ZC3H14: variants seen among roughly 807,000 people sequenced by gnomAD.
The protein encoded by ZC3H14 is zinc finger CCCH domain-containing protein 14.
In ZC3H14, 31 loss-of-function variants were observed where a neutral mutation model predicts 92.4. The observed-to-expected ratio is 0.34, with a 90% CI of 0.25 to 0.45. The LOEUF (loss-of-function observed/expected upper bound fraction) is 0.45, where lower values mean the gene tolerates loss of function less well. Ranked by LOEUF, ZC3H14 falls within the 20% of genes least tolerant of loss-of-function variation. The pLI, the probability that ZC3H14 is intolerant of heterozygous loss-of-function variation, is 1.00. For synonymous variants in ZC3H14, 321 were observed against 300.9 expected, an observed-to-expected ratio of 1.07 and a Z score of -0.69; for missense variants, 781 against 897.3, an observed-to-expected ratio of 0.87 and a Z score of 1.66.
chr14:88,566,526 A>G (rs565845733), intron 2 of ZC3H14, among the ~76,000 whole-genome samples: 9 of 152,338 alleles, frequency 5.9e-5, no homozygotes, highest in South Asian at 4.1e-4. Flanking sequence ...TATTCTTTCA[A>G]CACTTGAACT....
At chr14:88,577,634 A>G (rs2081340766) in intron 8 of ZC3H14, among the ~76,000 whole-genome samples, 1 of 151,962 alleles carries the variant, frequency 6.6e-6, no homozygotes, top group Admixed American at 6.6e-5. Flanking sequence ...CAGTGGTGCA[A>G]TCTCGGCTCA....
intron 2 of ZC3H14, among the ~76,000 whole-genome samples, chr14:88,566,358 A>C (rs2079621091): frequency 6.6e-6 from 1 of 152,158 alleles, no homozygotes; most frequent in South Asian, 2.1e-4. Context: ...AAGGGGCCCA[A>C]GACCAAACAG....
chr14:88,573,063 C>T, intron 6 of ZC3H14, 56 bp downstream of exon 6: 5 of 1,568,378 alleles, frequency 3.2e-6, no homozygotes, highest in Non-Finnish European at 4.4e-6. Flanking sequence ...TTCTTGATAC[C>T]AAATAATATA....
At position 88,616,599 on chromosome 14, in the gene ZC3H14, AT is replaced by A. The variant is rs975471644; in HGVS notation, c.*4851del. 3 of 948,828 alleles carry A rather than the reference AT, an allele frequency of 3.2e-6. No individual in the cohort carries two copies. Among genetic ancestry groups the A allele is most frequent in the Middle Eastern group, 3.4e-4 (1 of 2,920 alleles). 58.8% of individuals were successfully genotyped at this position (948,828 alleles called of 1,614,324 possible). A position where few individuals can be genotyped will look rare whatever the true frequency, so the allele number is the denominator to read the frequency against. ...ATAGCTTTTATTTCAAAGTAAATAG[AT>A]TTAGAAAGTTTGGGGAAAAATTTAG... On this transcript the variant is annotated 3_prime_UTR_variant, in exon 17 of 17. Transcript: ENST00000251038.
rs766947783 is a variant in ZC3H14 at position 88,575,842 on chromosome 14, C to G, written c.1025C>G (p.Pro342Arg). ...AATACCTTTCTTAACTCTTTTAGAC[C>G]TTCTCTTCCACCTTCTAAACAAGCT... ...VSVPAKPERR[P>R]SLPPSKQANK... The change falls in exon 8 of 17, where the codon CCT becomes CGT. Residue 342 changes from proline to arginine, a missense_variant and splice_region_variant. Coordinates refer to ENST00000251038, the MANE Select transcript of ZC3H14 (RefSeq NM_024824.5). 2 of 1,612,428 alleles carry G rather than the reference C, an allele frequency of 1.2e-6. No individual in the cohort carries two copies. Among genetic ancestry groups the G allele is most frequent in the African/African-American group, 1.3e-5 (1 of 74,944 alleles).
chr14:88,614,928 GAATTT>G lies in ZC3H14; in HGVS notation c.*3180_*3184del, dbSNP rs1308325815. ...TTAAATTGTATAATGTTGTATATGT[GAATTT>G]AACACTTTTGTTTACATGTTAAACA... On this transcript the variant is annotated 3_prime_UTR_variant, in exon 17 of 17. Coordinates refer to ENST00000251038, the MANE Select transcript of ZC3H14 (RefSeq NM_024824.5). 2.0e-5 allele frequency: 3 copies of G among 152,120 alleles called. No individual in the cohort carries two copies. Among genetic ancestry groups the G allele is most frequent in the African/African-American group, 7.2e-5 (3 of 41,436 alleles). The allele number at this position is 152,120 out of a possible 1,614,324, so 9.4% of individuals were successfully genotyped here.
rs1236391297 is a variant in ZC3H14, at chr14:88,572,609, C to G, written c.463C>G (p.Leu155Val). 1.2e-6 allele frequency: 2 copies of G among 1,614,176 alleles called. No individual in the cohort carries two copies. The highest frequency in any genetic ancestry group is 1.7e-5 in the Admixed American group (1 of 60,022). ...TTACGATGATGGAGCTGCAACCCGA[C>G]TAATGTCAACAGTGAAACCTTTGAG... ...QTYDDGAATRLMSTVKPLREP... is the reference protein window; with the variant it reads ...QTYDDGAATRVMSTVKPLREP... Residue 155 changes from leucine to valine, a missense_variant, in exon 6 of 17, where the codon CTA (leucine) becomes GTA (valine). Physicochemically the swap from Leu to Val is conservative, Grantham distance 32 (BLOSUM62 1). Coordinates refer to ENST00000251038, the MANE Select transcript of ZC3H14 (RefSeq NM_024824.5).
intron 9 of ZC3H14, chr14:88,594,810 C>T (rs1194189694): frequency 1.2e-6 from 2 of 1,614,082 alleles, no homozygotes; most frequent in Non-Finnish European, 1.7e-6. Flanking sequence ...CCATAACAAG[C>T]TCCTCTTGTT....
At chr14:88,593,824 G>A (rs1350692760) in intron 9 of ZC3H14, among the ~76,000 whole-genome samples, 1 of 151,598 alleles carries the variant, frequency 6.6e-6, no homozygotes, top group Non-Finnish European at 1.5e-5. Context: ...AAAAGCACAA[G>A]CAACCAAAGG....
At chr14:88,578,781 GTTTTTTTTTT>G (rs35101368) in intron 9 of ZC3H14, among the ~76,000 whole-genome samples, 1 of 76,816 alleles carries the variant, frequency 1.3e-5, no homozygotes, top group Non-Finnish European at 2.4e-5. Flanking sequence ...TTGCTTCCAG[GTTTTTTTTTT>G]TTTTTTTTTT....
chr14:88,583,549 G>A (rs1198643059), intron 9 of ZC3H14, among the ~76,000 whole-genome samples: 2 of 152,068 alleles, frequency 1.3e-5, no homozygotes, highest in Non-Finnish European at 2.9e-5. Flanking sequence ...TTATCAGAGT[G>A]TCTTTAATTT....
intron 3 of ZC3H14, among the ~76,000 whole-genome samples, chr14:88,570,863 C>A (rs1174104803): frequency 6.6e-6 from 1 of 152,182 alleles, no homozygotes; most frequent in African/African-American, 2.4e-5. Context: ...CGCCCGTAAT[C>A]TCAACACTTT....
chr14:88,567,955 C>G (rs1424219830), intron 2 of ZC3H14, 84 bp from the exon 3 acceptor site: 1 of 1,089,784 alleles, frequency 9.2e-7, no homozygotes, highest in East Asian at 2.6e-5. Flanking sequence ...AAGCTTAGAG[C>G]TACATCTATA....
intron 9 of ZC3H14, among the ~76,000 whole-genome samples, chr14:88,581,326 AG>A (rs1403823077): frequency 6.6e-6 from 1 of 152,122 alleles, no homozygotes; most frequent in Non-Finnish European, 1.5e-5. Context: ...TGGGAAGCCG[AG>A]GTGGGCAGAT....
rs1323951040 is a variant in ZC3H14, at chr14:88,613,551, TAA to T, written c.*1801_*1802del. 2.6e-5 allele frequency: 4 copies of T among 152,138 alleles called. No individual in the cohort carries two copies. Among genetic ancestry groups the T allele is most frequent in the African/African-American group, 9.7e-5 (4 of 41,426 alleles). 9.4% of individuals were successfully genotyped at this position (152,138 alleles called of 1,614,324 possible). A position where few individuals can be genotyped will look rare whatever the true frequency, so the allele number is the denominator to read the frequency against. ...AATAGCCACTGCCCAGACACATATTTAAGAGTTTAATCTTTCAGTTGCTATGG... is the reference window on the plus strand; with the variant it reads ...AATAGCCACTGCCCAGACACATATTTGAGTTTAATCTTTCAGTTGCTATGG... On this transcript the variant is annotated 3_prime_UTR_variant, in exon 17 of 17. Transcript: ENST00000251038.
intron 1 of ZC3H14, 44 bp from the exon 2 acceptor site, chr14:88,563,607 T>A: frequency 6.2e-7 from 1 of 1,610,730 alleles, no homozygotes; most frequent in Non-Finnish European, 8.5e-7. Flanking sequence ...CTTGTTTTCC[T>A]AGAGCCGCCT....
At position 88,625,449 on chromosome 14, in the gene ZC3H14, T is replaced by G. The variant is rs943729219; in HGVS notation, c.*13698T>G. ...GAGTTTCGCTCTTTGTTGCCCAGGC[T>G]GGAGTGCAATGGTGCGATCTCAGCT... On this transcript the variant is annotated 3_prime_UTR_variant, in exon 17 of 17. Coordinates refer to ENST00000251038, the MANE Select transcript of ZC3H14 (RefSeq NM_024824.5). The G allele has an allele frequency of 1.9e-5, 4 of 209,700 alleles. No homozygotes were observed. Among genetic ancestry groups the G allele is most frequent in the African/African-American group, 9.4e-5 (4 of 42,384 alleles). The allele number at this position is 209,700 out of a possible 1,614,324, so 13.0% of individuals were successfully genotyped here.
rs376575212 is a variant in ZC3H14 at position 88,609,732 on chromosome 14, C to A, written c.2026C>A (p.Pro676Thr). Residue 676 changes from proline (P) to threonine (T), a missense_variant, in exon 15 of 17, where the codon CCT (proline) becomes ACT (threonine). Physicochemically the swap from Pro to Thr is conservative, Grantham distance 38. Around this residue, in one of 3 missense-constraint regions of ZC3H14, gnomAD observed 221 missense variants for 304.7 expected, o/e 0.73. Coordinates refer to ENST00000251038, the MANE Select transcript of ZC3H14 (RefSeq NM_024824.5). ...PKPAVAPPAPPSSSQLCRYFP... is the reference protein window; with the variant it reads ...PKPAVAPPAPTSSSQLCRYFP... ...GTTAGCAGTTGCACCACCAGCACCACCTTCCAGTAGTCAGCTCTGCCGTTA... is the reference window on the plus strand; with the variant it reads ...GTTAGCAGTTGCACCACCAGCACCAACTTCCAGTAGTCAGCTCTGCCGTTA... 17 of 1,614,074 alleles carry A rather than the reference C, an allele frequency of 1.1e-5. No homozygotes were observed. The African/African-American group carries it at 2.1e-4, about 20-fold the overall frequency.
At chr14:88,594,094 C>T (rs1217687562) in intron 9 of ZC3H14, among the ~76,000 whole-genome samples, 3 of 143,988 alleles carry the variant, frequency 2.1e-5, no homozygotes, top group South Asian at 2.3e-4. Context: ...TTACTTTCTC[C>T]GCCCTTTCCC....
Sources: gnomAD v4.1 joint callset for allele counts (sites outside exome capture counted in the v4.1 genomes callset) on GRCh38, gnomAD v4.1.1 for gene constraint, gnomAD v4.1.1 regional missense constraint, MANE v1.5 for transcripts, NCBI Gene and HGNC (gene_info 2026-07-23, HGNC 2026-07-21) for gene names.